VNN2: variants seen among roughly 807,000 people sequenced by gnomAD.
VNN2 encodes the protein pantetheine hydrolase VNN2.
In VNN2, 43 loss-of-function variants were observed where a neutral mutation model predicts 43.0. The ratio of observed to expected loss-of-function variants is 1.00; its 90% confidence interval spans 0.78 to 1.29. VNN2 has a LOEUF of 1.29. Ranked by LOEUF, VNN2 falls within the 50% of genes most tolerant of loss-of-function variation. The probability of loss-of-function intolerance (pLI) is 0.00; values close to 1 mark genes in which losing one functional copy is unlikely to be tolerated. For synonymous variants in VNN2, 230 were observed against 224.3 expected (o/e 1.03, Z -0.23); for missense variants, 652 against 619.7 (o/e 1.05, Z -0.55).
intron 3 of VNN2, chr6:132,753,783 C>G (rs1429263330): frequency 1.6e-5 from 3 of 182,356 alleles, no homozygotes; most frequent in Non-Finnish European, 3.5e-5. Context: ...GAAACCCCAT[C>G]TCTACTAAAA....
chr6:132,762,210 C>T (rs1176157624), upstream of VNN2, among the ~76,000 whole-genome samples: 1 of 152,108 alleles, frequency 6.6e-6, no homozygotes, highest in African/African-American at 2.4e-5. Context: ...GAACTCAACC[C>T]CAGGAAGGAG....
upstream of VNN2, among the ~76,000 whole-genome samples, chr6:132,761,369 A>T (rs1455089236): frequency 6.7e-6 from 1 of 149,550 alleles, no homozygotes; most frequent in Non-Finnish European, 1.5e-5. Context: ...AAAAAAAAAA[A>T]CAGTATTGGG....
chr6:132,748,714 A>T (rs1235151091), intron 6 of VNN2, among the ~76,000 whole-genome samples: 1 of 152,260 alleles, frequency 6.6e-6, no homozygotes, highest in East Asian at 1.9e-4. Flanking sequence ...CTGCAGAGTC[A>T]TAATTCTAAT....
intron 3 of VNN2, among the ~76,000 whole-genome samples, chr6:132,755,471 T>C (rs1054475760): frequency 6.7e-6 from 1 of 149,568 alleles, no homozygotes; most frequent in Non-Finnish European, 1.5e-5. Context: ...ACCTCCTGGG[T>C]TCAAGCAAGT....
At chr6:132,745,011 T>C (rs2114501720) in intron 6 of VNN2, among the ~76,000 whole-genome samples, 1 of 152,232 alleles carries the variant, frequency 6.6e-6, no homozygotes, top group South Asian at 2.1e-4. Flanking sequence ...GGCTGTATGG[T>C]GGAAGACATT....
chr6:132,761,761 A>G (rs371417105), upstream of VNN2, among the ~76,000 whole-genome samples: 2 of 152,218 alleles, frequency 1.3e-5, no homozygotes, highest in Non-Finnish European at 2.9e-5. Flanking sequence ...CAATTGGACT[A>G]GGTTTTAGGT....
rs558527008 is a variant in VNN2, at chr6:132,755,774, C to G, written c.537+69G>C. 89 of 1,439,052 alleles carry G rather than the reference C, an allele frequency of 6.2e-5. 1 individual carries two copies. The Middle Eastern group carries it at 1.9e-3, about 31-fold the overall frequency. 89.1% of individuals were successfully genotyped at this position (1,439,052 alleles called of 1,614,324 possible). A position where few individuals can be genotyped will look rare whatever the true frequency, so the allele number is the denominator to read the frequency against. ...ATTGTATCATATAGGGAATGAAATT[C>G]AAACTCCTAAACCCAGCATTGACCA... is the stretch of plus-strand genomic sequence containing the variant. On this transcript the variant is annotated intron_variant, in intron 3 of 6. Coordinates refer to ENST00000326499, the MANE Select transcript of VNN2 (RefSeq NM_004665.6).
chr6:132,743,910 T>C lies in VNN2; in HGVS notation c.*390A>G, dbSNP rs12211125. ...TTTAATGTCAAAGGGAATTCAGTCATAAACCTCTAAATTCCCATCATTACT... is the reference window on the plus strand; with the variant it reads ...TTTAATGTCAAAGGGAATTCAGTCACAAACCTCTAAATTCCCATCATTACT... On this transcript the variant is annotated 3_prime_UTR_variant, in exon 7 of 7. Coordinates refer to ENST00000326499, the MANE Select transcript of VNN2 (RefSeq NM_004665.6). The C allele has an allele frequency of 0.069, 10,741 of 155,124 alleles. 541 individuals are homozygous for C. Among genetic ancestry groups the C allele is most frequent in the Admixed American group, 0.14 (2,120 of 15,340 alleles). The allele number at this position is 155,124 out of a possible 1,614,324, so 9.6% of individuals were successfully genotyped here.
upstream of VNN2, among the ~76,000 whole-genome samples, chr6:132,758,493 G>A (rs919688467): frequency 6.6e-6 from 1 of 151,996 alleles, no homozygotes; most frequent in Admixed American, 6.6e-5. Context: ...AAAGACACCC[G>A]AATTCAAATA....
Position 132,753,051 on chromosome 6 carries a change from A to T in VNN2, c.538-302T>A, listed in dbSNP as rs898672509. ...CGTAAGCTTTTTTTAAATTTAATTT[A>T]ATTTTATTTTTCTGAGACGGAGCCT... On this transcript the variant is annotated intron_variant, in intron 3 of 6. Transcript: ENST00000326499. 2.4e-4 allele frequency: 64 copies of T among 266,260 alleles called. 3 individuals are homozygous for T. The highest frequency in any genetic ancestry group is 2.2e-3 in the South Asian group (33 of 14,840). 16.5% of individuals were successfully genotyped at this position (266,260 alleles called of 1,614,324 possible).
At chr6:132,756,724 C>A (rs565709117) in intron 2 of VNN2, among the ~76,000 whole-genome samples, 10 of 152,176 alleles carry the variant, frequency 6.6e-5, no homozygotes, top group Non-Finnish European at 1.2e-4. Context: ...AGTGCTCAAG[C>A]CTTATACCTA....
Position 132,755,979 on chromosome 6 carries a change from A to T in VNN2, c.401T>A (p.Ile134Asn). The T allele has an allele frequency of 6.2e-7, 1 of 1,614,188 alleles. No homozygotes were observed. The highest frequency in any genetic ancestry group is 8.5e-7 in the Non-Finnish European group (1 of 1,180,036). ...GTCCCCCAAATTTGCCAAGACATAG[A>T]TAGAGTTGTCCTTGGCCAGGCAGCT... ...RLSCLAKDNS[I>N]YVLANLGDKK... The change falls in exon 3 of 7, where the codon ATC becomes AAC. Residue 134 changes from isoleucine to asparagine, a missense_variant. Transcript: ENST00000326499.
chr6:132,744,306 C>T lies in VNN2; in HGVS notation c.1557G>A (p.Met519Ile). 1 of 1,611,788 alleles carries T rather than the reference C, an allele frequency of 6.2e-7. No individual in the cohort carries two copies. Among genetic ancestry groups the T allele is most frequent in the Non-Finnish European group, 8.5e-7 (1 of 1,179,304 alleles). ...LMIIALQNIV[M>I]L ...TGAGTGATAAAGAGACGCCCTATAA[C>T]ATTACAATATTTTGCAAAGCTATGA... The change falls in exon 7 of 7, where the codon ATG becomes ATA. Residue 519 changes from methionine to isoleucine, a missense_variant. Coordinates refer to ENST00000326499, the MANE Select transcript of VNN2 (RefSeq NM_004665.6).
At position 132,751,421 on chromosome 6, in the gene VNN2, G is replaced by C. The variant is rs771333040; in HGVS notation, c.924C>G (p.Pro308=). ...KLLLSEVDSH[P]LSSLAYPTAV... ...CTGTTGGGTAGGCAAGCGAGGATAG[G>C]GGATGTGAATCCACCTCTGAAAGGA... Residue 308 remains proline, a synonymous_variant, in exon 5 of 7, where the codon CCC becomes CCG. Transcript: ENST00000326499. The C allele has an allele frequency of 6.2e-7, 1 of 1,614,130 alleles. No individual in the cohort carries two copies. The highest frequency in any genetic ancestry group is 8.5e-7 in the Non-Finnish European group (1 of 1,180,010).
At chr6:132,758,039 CTTTTT>C (rs533088096), upstream of VNN2, 100 of 164,958 alleles carry the variant, frequency 6.1e-4, no homozygotes, top group South Asian at 8.3e-4. Flanking sequence ...TCTTCTTCTT[CTTTTT>C]TTTTTTTTTT....
chr6:132,754,451 G>A (rs543325148), intron 3 of VNN2, among the ~76,000 whole-genome samples: 1 of 152,064 alleles, frequency 6.6e-6, no homozygotes, highest in Non-Finnish European at 1.5e-5. Context: ...GTCCATGATC[G>A]AAATCATTTG....
rs1324385276 is a variant in VNN2, at chr6:132,744,304, A to G, written c.1559T>C (p.Leu520Ser). Residue 520 changes from leucine (L) to serine (S), a missense_variant, in exon 7 of 7, where the codon TTA becomes TCA. By Grantham distance (145) the Leu-to-Ser change is moderately radical (BLOSUM62 -2). Transcript: ENST00000326499. ...GCTGAGTGATAAAGAGACGCCCTAT[A>G]ACATTACAATATTTTGCAAAGCTAT... Reference protein sequence around the residue: ...MIIALQNIVML With the variant: ...MIIALQNIVMS 3 of 1,611,708 alleles carry G rather than the reference A, an allele frequency of 1.9e-6. No homozygotes were observed. Among genetic ancestry groups the G allele is most frequent in the Non-Finnish European group, 2.5e-6 (3 of 1,179,304 alleles).
upstream of VNN2, among the ~76,000 whole-genome samples, chr6:132,760,199 G>A (rs1448722697): frequency 1.3e-5 from 2 of 152,070 alleles, no homozygotes; most frequent in East Asian, 3.9e-4. Flanking sequence ...TTTTGAGACA[G>A]AGTCTTGCTC....
chr6:132,758,219 A>G (rs1044936834), upstream of VNN2, among the ~76,000 whole-genome samples: 1 of 151,106 alleles, frequency 6.6e-6, no homozygotes, highest in Non-Finnish European at 1.5e-5. Flanking sequence ...TAATTTTTGT[A>G]TTTTTAGTAG....
Sources: allele counts gnomAD v4.1 joint callset (sites outside exome capture counted in the v4.1 genomes callset), GRCh38; gene constraint gnomAD v4.1.1; transcripts MANE v1.5; gene names NCBI Gene and HGNC (gene_info 2026-07-23, HGNC 2026-07-21).